Variants in EDAR observed in about 807,000 individuals in gnomAD.
EDAR encodes tumor necrosis factor receptor superfamily member EDAR.
A neutral mutation model predicts 51.3 loss-of-function variants in EDAR; 38 were observed. The ratio of observed to expected loss-of-function variants is 0.74; its 90% CI spans 0.57 to 0.97. The LOEUF is 0.97. Among genes scored for constraint, EDAR ranks in the 50% least tolerant of loss-of-function variants. The probability of loss-of-function intolerance (pLI) is 0.00; values close to 1 mark genes in which losing one functional copy is unlikely to be tolerated. For missense variants in EDAR, 528 were observed against 595.0 expected (o/e 0.89, Z 1.17); for synonymous variants, 227 against 242.1 (o/e 0.94, Z 0.58).
In EDAR at chr2:108,974,233, G is replaced by C. The variant is rs545029158; in HGVS notation, c.-19+14727C>G. ...TAGTCCCAGCTAGTTGGGAGGTTGA[G>C]GCAGGAGAATGGCATGAACCCGGGA... On this transcript the variant is annotated intron_variant, in intron 1 of 11. Transcript: ENST00000258443. Among the ~76,000 whole-genome samples, 3 of 149,848 alleles carry C rather than the reference G, an allele frequency of 2.0e-5. No individual in the cohort carries two copies. The East Asian group carries it at 5.9e-4, about 30-fold the overall frequency.
chr2:108,973,793 T>C (rs1216323116), intron 1 of EDAR, among the ~76,000 whole-genome samples: 1 of 152,084 alleles, frequency 6.6e-6, no homozygotes, highest in Non-Finnish European at 1.5e-5. Context: ...ATCATCAGAG[T>C]TCTCAAAGGC....
chr2:108,970,887 A>G (rs898356016), intron 1 of EDAR, among the ~76,000 whole-genome samples: 1 of 152,224 alleles, frequency 6.6e-6, no homozygotes, highest in African/African-American at 2.4e-5. Flanking sequence ...CTGAACAAAT[A>G]CAAGTGATAG....
chr2:108,972,900 C>T (rs909272071), intron 1 of EDAR, among the ~76,000 whole-genome samples: 14 of 152,222 alleles, frequency 9.2e-5, no homozygotes, highest in Non-Finnish European at 1.6e-4. Flanking sequence ...GAGCTGGGCA[C>T]GCCCAGAACA....
intron 11 of EDAR, among the ~76,000 whole-genome samples, chr2:108,902,344 C>G (rs1696715974): frequency 6.6e-6 from 1 of 152,142 alleles, no homozygotes; most frequent in African/African-American, 2.4e-5. Context: ...CCACTGCACT[C>G]CAGCCTGGGT....
intron 1 of EDAR, among the ~76,000 whole-genome samples, chr2:108,945,326 G>A (rs1697694651): frequency 6.6e-6 from 1 of 152,156 alleles, no homozygotes; most frequent in South Asian, 2.1e-4. Flanking sequence ...CACTACTCCA[G>A]CAGTTCCAAG....
At chr2:108,966,790 A>C (rs1384682407) in intron 1 of EDAR, among the ~76,000 whole-genome samples, 1 of 152,172 alleles carries the variant, frequency 6.6e-6, no homozygotes, top group Non-Finnish European at 1.5e-5. Flanking sequence ...AGCACAGTGG[A>C]GGGAGGATTG....
At chr2:108,933,528 T>A (rs1318576183) in intron 1 of EDAR, among the ~76,000 whole-genome samples, 1 of 152,142 alleles carries the variant, frequency 6.6e-6, no homozygotes, top group East Asian at 1.9e-4. Context: ...CTTGGAGGTG[T>A]CTCACTTGGT....
At chr2:108,984,326 C>A (rs1698462962) in intron 1 of EDAR, among the ~76,000 whole-genome samples, 1 of 152,290 alleles carries the variant, frequency 6.6e-6, no homozygotes, top group Non-Finnish European at 1.5e-5. Flanking sequence ...GGTGTGGGCA[C>A]TGACTGTCCC....
At chr2:108,965,941 C>T (rs1297033966) in intron 1 of EDAR, among the ~76,000 whole-genome samples, 1 of 152,132 alleles carries the variant, frequency 6.6e-6, no homozygotes, top group Non-Finnish European at 1.5e-5. Flanking sequence ...CTATCAACGT[C>T]AAATCAGTGC....
At chr2:108,911,214 C>G in intron 6 of EDAR, 142 bp from the exon 7 acceptor site, 1 of 1,052,860 alleles carries the variant, frequency 9.5e-7, no homozygotes, top group Non-Finnish European at 1.4e-6. Context: ...CTTGCTTAGA[C>G]TGAGAACCAA....
rs368553609 is a variant in EDAR, at chr2:108,930,172, G to T, written c.122C>A (p.Thr41Lys). 29 of 1,614,068 alleles carry T rather than the reference G, an allele frequency of 1.8e-5. No individual in the cohort carries two copies. The African/African-American group carries it at 2.5e-4, about 14-fold the overall frequency. The change falls in exon 3 of 12, where the codon ACG (threonine) becomes AAG (lysine). Residue 41 changes from threonine (T) to lysine (K), a missense_variant. By Grantham distance (78) the Thr-to-Lys change is moderately conservative. Transcript: ENST00000258443. ...CGGGGGGCACTCCTGGCACAGCCCC[G>T]TAGTCTGGTTGTAGTACTCGTTCTC... The part of the protein sequence containing the change: ...CGENEYYNQT[T>K]GLCQECPPCG...
At chr2:108,907,045 G>T (rs1202636045) in intron 10 of EDAR, among the ~76,000 whole-genome samples, 1 of 152,224 alleles carries the variant, frequency 6.6e-6, no homozygotes, top group Non-Finnish European at 1.5e-5. Flanking sequence ...CACAGGCCAG[G>T]TCTACAGGGA....
Position 108,897,057 on chromosome 2 carries a change from G to T in EDAR, c.1197C>A (p.Asp399Glu), listed in dbSNP as rs1454708268. Residue 399 changes from aspartate (D) to glutamate (E), a missense_variant, in exon 12 of 12, where the codon GAC (aspartate) becomes GAA (glutamate). By Grantham distance (45) the Asp-to-Glu change is conservative. Coordinates refer to ENST00000258443, the MANE Select transcript of EDAR (RefSeq NM_022336.4). Reference sequence around the variant, plus strand: ...TGCTGTAGCCTGCCGTGCTGATGCGGTCAAAGAGTTGCATGCCGTCTGTCA... The same window carrying T: ...TGCTGTAGCCTGCCGTGCTGATGCGTTCAAAGAGTTGCATGCCGTCTGTCA... ...GGMTDGMQLF[D>E]RISTAGYSIP... 6.2e-7 allele frequency: 1 copy of T among 1,614,168 alleles called. No individual in the cohort carries two copies. Among genetic ancestry groups the T allele is most frequent in the South Asian group, 1.1e-5 (1 of 91,064 alleles).
At position 108,983,644 on chromosome 2, in the gene EDAR, C is replaced by T. The variant is rs114193968; in HGVS notation, c.-19+5316G>A. Reference sequence around the variant, plus strand: ...AGACAGGTATCCTCCTCCAGACTGACTTCCCTCCTAATCGACCTGCATCTT... The same window carrying T: ...AGACAGGTATCCTCCTCCAGACTGATTTCCCTCCTAATCGACCTGCATCTT... On this transcript the variant is annotated intron_variant, in intron 1 of 11. Coordinates refer to ENST00000258443, the MANE Select transcript of EDAR (RefSeq NM_022336.4). Among the ~76,000 whole-genome samples the T allele has an allele frequency of 7.7e-3, 1,167 of 152,334 alleles. 21 individuals are homozygous for T. Among genetic ancestry groups the T allele is most frequent in the African/African-American group, 0.026 (1,078 of 41,574 alleles).
At chr2:108,930,426 G>C (rs890849962) in intron 2 of EDAR, among the ~76,000 whole-genome samples, 184 bp from the exon 3 acceptor site, 5 of 152,086 alleles carry the variant, frequency 3.3e-5, no homozygotes, top group Non-Finnish European at 7.4e-5. Context: ...GCTCCTGGTT[G>C]ATCACCTGGG....
intron 5 of EDAR, among the ~76,000 whole-genome samples, chr2:108,917,516 G>C (rs1340424198): frequency 6.6e-6 from 1 of 152,126 alleles, no homozygotes; most frequent in African/African-American, 2.4e-5. Flanking sequence ...ATTTCACTCT[G>C]TACCCCATAA....
At position 108,910,825 on chromosome 2, in the gene EDAR, C is replaced by G. The variant is rs1467295696; in HGVS notation, c.681G>C (p.Lys227Asn). 6.2e-7 allele frequency: 1 copy of G among 1,614,012 alleles called. No individual in the cohort carries two copies. Among genetic ancestry groups the G allele is most frequent in the Admixed American group, 1.7e-5 (1 of 60,020 alleles). The change falls in exon 8 of 12, where the codon AAG becomes AAC. Residue 227 changes from lysine (K) to asparagine (N), a missense_variant. Transcript: ENST00000258443. ...APACCTSHPG[K>N]SVEAQVSKDE... ...CCTTGCTCACTTGGGCCTCCACGCT[C>G]TTCCCCGGGTGGCTGGTGCAACAGG...
intron 11 of EDAR, among the ~76,000 whole-genome samples, chr2:108,902,220 A>T (rs1288766309): frequency 6.6e-6 from 1 of 151,988 alleles, no homozygotes; most frequent in African/African-American, 2.4e-5. Context: ...AAAAAAAAAA[A>T]AAAAATTAGC....
At chr2:108,907,371 C>T (rs969833270) in intron 10 of EDAR, among the ~76,000 whole-genome samples, 2 of 152,064 alleles carry the variant, frequency 1.3e-5, no homozygotes, top group Non-Finnish European at 2.9e-5. Context: ...AGTGGCTGGG[C>T]GTGGTAGCTC....
Sources: allele counts gnomAD v4.1 joint callset (sites outside exome capture counted in the v4.1 genomes callset), GRCh38; gene constraint gnomAD v4.1.1; transcripts MANE v1.5; gene names NCBI Gene and HGNC (gene_info 2026-07-23, HGNC 2026-07-21).